ERBB4: variants seen among roughly 807,000 people sequenced by gnomAD.
The protein encoded by ERBB4 is receptor tyrosine-protein kinase erbB-4.
ERBB4 carries 42 observed loss-of-function variants against 158.0 expected under a neutral mutation model. That is an observed-to-expected ratio of 0.27 (90% CI 0.21 to 0.34). ERBB4 has a LOEUF of 0.34. Ranked by LOEUF, ERBB4 falls within the 10% of genes least tolerant of loss-of-function variation. The pLI is 1.00. For synonymous variants in ERBB4, 583 were observed against 558.7 expected (o/e 1.04, Z -0.61); for missense variants, 1,333 against 1,624.1 (o/e 0.82, Z 3.08).
At chr2:212,062,467 G>A (rs930628982) in intron 2 of ERBB4, among the ~76,000 whole-genome samples, 1 of 119,938 alleles carries the variant, frequency 8.3e-6, no homozygotes, top group Admixed American at 1.2e-4. Context: ...TGCCAGGCTG[G>A]TGCAATCTCG....
Position 211,839,201 on chromosome 2 carries a change from AAGAAAG to A in ERBB4, c.422-51048_422-51043del, listed in dbSNP as rs1285162777. ...GAGGAGGAGGAGGAGGAGGGAAAGA[AAGAAAG>A]AGAGAGAGAGAGAAAGAGAGAAAGA... On this transcript the variant is annotated intron_variant, in intron 3 of 27. Transcript: ENST00000342788. 2.4e-4 allele frequency among the ~76,000 whole-genome samples: 32 copies of A among 134,342 alleles called. No homozygotes were observed. In the East Asian group the frequency reaches 6.1e-3, roughly 26 times the overall value. 88.1% of individuals were successfully genotyped at this position (134,342 alleles called of 152,430 possible). A position where few individuals can be genotyped will look rare whatever the true frequency, so the allele number is the denominator to read the frequency against.
At chr2:212,503,611 C>T (rs116033666) in intron 1 of ERBB4, among the ~76,000 whole-genome samples, 1,889 of 152,238 alleles carry the variant, frequency 0.012, 40 homozygotes, top group African/African-American at 0.043. Flanking sequence ...TCAGTGCAAG[C>T]CCCCAAAGGA....
chr2:211,428,211 T>TTAAAATAAAA lies in ERBB4; in HGVS notation c.2719+187_2719+196dup, dbSNP rs55861364. On this transcript the variant is annotated intron_variant, in intron 22 of 27. Coordinates refer to ENST00000342788, the MANE Select transcript of ERBB4 (RefSeq NM_005235.3). ...AGGTTCTGCATGTGTATCGCAGAAC[T>TTAAAATAAAA]TAAAATAAAATAAAATAAAATAAAA... 0.093 allele frequency among the ~76,000 whole-genome samples: 13,674 copies of TTAAAATAAAA among 146,984 alleles called. 815 individuals are homozygous for TTAAAATAAAA. The highest frequency in any genetic ancestry group is 0.15 in the South Asian group (644 of 4,248).
At chr2:212,085,954 TA>T (rs1373162640) in intron 2 of ERBB4, among the ~76,000 whole-genome samples, 2 of 151,924 alleles carry the variant, frequency 1.3e-5, no homozygotes, top group Admixed American at 1.3e-4. Context: ...TAAGAGGATA[TA>T]AAGGCATTCT....
intron 12 of ERBB4, among the ~76,000 whole-genome samples, chr2:211,700,162 T>C (rs1447169344): frequency 6.6e-6 from 1 of 152,140 alleles, no homozygotes; most frequent in East Asian, 1.9e-4. Flanking sequence ...TAGGGAAACA[T>C]TCATCAATTG....
At chr2:212,032,942 C>T (rs1419047411) in intron 2 of ERBB4, among the ~76,000 whole-genome samples, 1 of 151,808 alleles carries the variant, frequency 6.6e-6, no homozygotes, top group Non-Finnish European at 1.5e-5. Flanking sequence ...GGAAGAAAGA[C>T]TGGACCAAAA....
At chr2:212,019,296 T>C (rs968559168) in intron 2 of ERBB4, among the ~76,000 whole-genome samples, 2 of 152,108 alleles carry the variant, frequency 1.3e-5, no homozygotes, top group Non-Finnish European at 1.5e-5. Context: ...AATGGAAACT[T>C]CTAAATCCTG....
intron 1 of ERBB4, among the ~76,000 whole-genome samples, chr2:212,365,807 T>TTA (rs1338500706): frequency 3.3e-5 from 5 of 151,788 alleles, no homozygotes; most frequent in African/African-American, 4.8e-5. Context: ...AAGTTCAAAT[T>TTA]TACAAGGACT....
chr2:211,463,296 T>C (rs2064585191), intron 20 of ERBB4, among the ~76,000 whole-genome samples: 1 of 152,184 alleles, frequency 6.6e-6, no homozygotes, highest in Non-Finnish European at 1.5e-5. Flanking sequence ...TTTGTTCATG[T>C]ACAAATTGCA....
intron 3 of ERBB4, among the ~76,000 whole-genome samples, chr2:211,814,105 G>A (rs1279882362): frequency 6.6e-6 from 1 of 152,056 alleles, no homozygotes. Flanking sequence ...GTAAAAAATT[G>A]AGACTACAGA....
intron 1 of ERBB4, among the ~76,000 whole-genome samples, chr2:212,271,997 C>G (rs2085360974): frequency 6.6e-6 from 1 of 151,664 alleles, no homozygotes; most frequent in African/African-American, 2.4e-5. Flanking sequence ...TACCAATTAA[C>G]ATTTTTTTTA....
At chr2:211,912,754 T>A (rs2079570510) in intron 3 of ERBB4, among the ~76,000 whole-genome samples, 1 of 152,178 alleles carries the variant, frequency 6.6e-6, no homozygotes, top group Non-Finnish European at 1.5e-5. Context: ...TGTGGAGAAT[T>A]TCCATTGATG....
intron 5 of ERBB4, among the ~76,000 whole-genome samples, chr2:211,739,242 T>C (rs2074709691): frequency 6.6e-6 from 1 of 152,050 alleles, no homozygotes; most frequent in African/African-American, 2.4e-5. Context: ...ACTCTCTTTG[T>C]TAAATAATCT....
chr2:211,727,951 G>A (rs1028417445), intron 5 of ERBB4, among the ~76,000 whole-genome samples: 14 of 151,810 alleles, frequency 9.2e-5, no homozygotes, highest in East Asian at 1.9e-4. Context: ...GTTTGTGAAC[G>A]TATATTTTGT....
In ERBB4 at chr2:211,380,397, G is replaced by A. The variant is rs914836675; in HGVS notation, c.*3218C>T. 4 of 231,914 alleles carry A rather than the reference G, an allele frequency of 1.7e-5. No homozygotes were observed. Among genetic ancestry groups the A allele is most frequent in the Non-Finnish European group, 3.4e-5 (4 of 117,450 alleles). The allele number at this position is 231,914 out of a possible 1,614,324, so 14.4% of individuals were successfully genotyped here. On this transcript the variant is annotated 3_prime_UTR_variant, in exon 28 of 28. Coordinates refer to ENST00000342788, the MANE Select transcript of ERBB4 (RefSeq NM_005235.3). Reference sequence around the variant, plus strand: ...AAATAGGTATAATCTACAAAGTTGGGTGATTTAAAAAATATACTCCGTGTA... The same window carrying A: ...AAATAGGTATAATCTACAAAGTTGGATGATTTAAAAAATATACTCCGTGTA...
chr2:211,732,361 GA>G (rs78246905), intron 5 of ERBB4, among the ~76,000 whole-genome samples: 2 of 148,500 alleles, frequency 1.3e-5, no homozygotes, highest in African/African-American at 4.9e-5. Context: ...GGTCTTTTTT[GA>G]AAAAAAAAAT....
At chr2:212,351,451 G>A (rs2089248604) in intron 1 of ERBB4, among the ~76,000 whole-genome samples, 1 of 152,156 alleles carries the variant, frequency 6.6e-6, no homozygotes, top group Admixed American at 6.6e-5. Context: ...ACAGAGAACA[G>A]AATGAATTTC....
chr2:211,429,092 T>G (rs542176514), intron 21 of ERBB4, among the ~76,000 whole-genome samples: 1 of 152,264 alleles, frequency 6.6e-6, no homozygotes, highest in Admixed American at 6.5e-5. Context: ...CTATAGTTCT[T>G]AATTAACATT....
intron 1 of ERBB4, among the ~76,000 whole-genome samples, chr2:212,410,050 T>TA (rs1012308690): frequency 3.2e-4 from 49 of 151,858 alleles, no homozygotes; most frequent in South Asian, 1.2e-3. Context: ...CTGCCTGGAT[T>TA]AAAAAAAATA....
Sources: gnomAD v4.1 joint callset for allele counts (sites outside exome capture counted in the v4.1 genomes callset) on GRCh38, gnomAD v4.1.1 for gene constraint, MANE v1.5 for transcripts, NCBI Gene and HGNC (gene_info 2026-07-23, HGNC 2026-07-21) for gene names.